GABBR2: variants seen among roughly 807,000 people sequenced by gnomAD.
GABBR2 encodes the protein gamma-aminobutyric acid type B receptor subunit 2, also known as G-protein coupled receptor 51.
Under a neutral mutation model 105.6 loss-of-function variants are expected in GABBR2, and 23 were observed. That is an observed-to-expected ratio of 0.22 (90% CI 0.16 to 0.31). GABBR2 has a LOEUF of 0.31. Ranked by LOEUF, GABBR2 falls within the 10% of genes least tolerant of loss-of-function variation. The probability of loss-of-function intolerance (pLI) is 1.00; values close to 1 mark genes in which losing one functional copy is unlikely to be tolerated. For missense variants in GABBR2, 734 were observed against 1,245.5 expected (o/e 0.59, Z 6.18); for synonymous variants, 478 against 499.7 (o/e 0.96, Z 0.58).
At chr9:98,396,933 G>A (rs541850492) in intron 8 of GABBR2, among the ~76,000 whole-genome samples, 9 of 152,218 alleles carry the variant, frequency 5.9e-5, no homozygotes, top group African/African-American at 1.4e-4. Context: ...GCTCACAGGC[G>A]CTTCACAAGT....
chr9:98,533,566 C>G (rs946361291), intron 3 of GABBR2, among the ~76,000 whole-genome samples: 1 of 152,192 alleles, frequency 6.6e-6, no homozygotes, highest in African/African-American at 2.4e-5. Flanking sequence ...ATACCTGCAC[C>G]AGGGAGCATG....
intron 1 of GABBR2, among the ~76,000 whole-genome samples, chr9:98,649,497 CA>C (rs1478083385): frequency 6.6e-6 from 1 of 152,124 alleles, no homozygotes; most frequent in Non-Finnish European, 1.5e-5. Context: ...CCCATGGCTA[CA>C]AAAGAACACT....
At chr9:98,526,819 T>C (rs1827971534) in intron 3 of GABBR2, among the ~76,000 whole-genome samples, 1 of 152,078 alleles carries the variant, frequency 6.6e-6, no homozygotes, top group Non-Finnish European at 1.5e-5. Flanking sequence ...TAGCTATCAA[T>C]ACAAATTCTA....
At chr9:98,406,981 G>T (rs770259637) in intron 7 of GABBR2, among the ~76,000 whole-genome samples, 1 of 152,198 alleles carries the variant, frequency 6.6e-6, no homozygotes, top group Non-Finnish European at 1.5e-5. Context: ...CCATTTTGCA[G>T]ATCAAGAAAC....
At position 98,341,044 on chromosome 9, in the gene GABBR2, C is replaced by T. The variant is rs113554410; in HGVS notation, c.1893+21671G>A. 7.5e-3 allele frequency among the ~76,000 whole-genome samples: 1,136 copies of T among 152,298 alleles called. 16 individuals are homozygous for T. The highest frequency in any genetic ancestry group is 0.026 in the African/African-American group (1,076 of 41,568). ...GAGAAGTTCCAGCTTCAGGGCTGGCCCTGGTGCTGTGGCTCTGTCTTTTGT... is the reference window on the plus strand; with the variant it reads ...GAGAAGTTCCAGCTTCAGGGCTGGCTCTGGTGCTGTGGCTCTGTCTTTTGT... On this transcript the variant is annotated intron_variant, in intron 13 of 18. Coordinates refer to ENST00000259455, the MANE Select transcript of GABBR2 (RefSeq NM_005458.8).
At chr9:98,310,138 T>C (rs955134388) in intron 14 of GABBR2, among the ~76,000 whole-genome samples, 2 of 152,172 alleles carry the variant, frequency 1.3e-5, no homozygotes, top group African/African-American at 2.4e-5. Flanking sequence ...ATGGTTTATA[T>C]AGGATATAGG....
intron 7 of GABBR2, among the ~76,000 whole-genome samples, chr9:98,440,084 T>G (rs550174120): frequency 6.6e-6 from 1 of 152,292 alleles, no homozygotes; most frequent in Non-Finnish European, 1.5e-5. Flanking sequence ...AGGATACACC[T>G]GCTCCTAGGG....
chr9:98,423,925 G>C (rs1421335689), intron 7 of GABBR2, among the ~76,000 whole-genome samples: 1 of 152,124 alleles, frequency 6.6e-6, no homozygotes, highest in African/African-American at 2.4e-5. Flanking sequence ...TAGATATGCG[G>C]CGTTATTTCT....
At chr9:98,639,002 G>A (rs957400257) in intron 1 of GABBR2, among the ~76,000 whole-genome samples, 1 of 152,170 alleles carries the variant, frequency 6.6e-6, no homozygotes, top group Non-Finnish European at 1.5e-5. Flanking sequence ...ACCAGTTACA[G>A]AAATAAAAAC....
At chr9:98,382,891 G>A (rs1246004215) in intron 11 of GABBR2, among the ~76,000 whole-genome samples, 1 of 152,168 alleles carries the variant, frequency 6.6e-6, no homozygotes, top group Admixed American at 6.5e-5. Flanking sequence ...TAAAACTAGC[G>A]AGACTTCCAT....
At chr9:98,646,244 T>G (rs1445385633) in intron 1 of GABBR2, among the ~76,000 whole-genome samples, 1 of 152,208 alleles carries the variant, frequency 6.6e-6, no homozygotes, top group African/African-American at 2.4e-5. Context: ...CCTGCTTTCC[T>G]TCTGGGAGTG....
At chr9:98,682,056 G>A (rs1014693068) in intron 1 of GABBR2, among the ~76,000 whole-genome samples, 16 of 151,824 alleles carry the variant, frequency 1.1e-4, no homozygotes, top group African/African-American at 3.1e-4. Context: ...CCAATATGGT[G>A]AAAACTCATC....
intron 1 of GABBR2, among the ~76,000 whole-genome samples, chr9:98,673,533 T>G (rs751048526): frequency 1.8e-4 from 27 of 152,116 alleles, no homozygotes; most frequent in Non-Finnish European, 3.5e-4. Flanking sequence ...TATAAGTATT[T>G]TCTTGGTTTT....
At chr9:98,291,124 T>G (rs1481026086) in intron 18 of GABBR2, among the ~76,000 whole-genome samples, 2 of 152,176 alleles carry the variant, frequency 1.3e-5, no homozygotes, top group Non-Finnish European at 2.9e-5. Context: ...GAAAAATGCA[T>G]TTAATCCACC....
chr9:98,588,437 A>G (rs912146086), intron 1 of GABBR2, among the ~76,000 whole-genome samples: 1 of 152,252 alleles, frequency 6.6e-6, no homozygotes, highest in Non-Finnish European at 1.5e-5. Flanking sequence ...GAATAGTAAT[A>G]ATAATAACAC....
intron 2 of GABBR2, among the ~76,000 whole-genome samples, chr9:98,570,273 G>A (rs1828811645): frequency 6.6e-6 from 1 of 152,198 alleles, no homozygotes; most frequent in African/African-American, 2.4e-5. Context: ...GGGGCGGCTG[G>A]GGACAGCGCT....
intron 4 of GABBR2, among the ~76,000 whole-genome samples, chr9:98,490,819 T>A (rs1026421110): frequency 3.9e-5 from 6 of 152,200 alleles, no homozygotes; most frequent in African/African-American, 1.4e-4. Flanking sequence ...CAGCCCCGCC[T>A]GGAAACAGCT....
At chr9:98,547,495 A>T in intron 2 of GABBR2, among the ~76,000 whole-genome samples, 1 of 118,086 alleles carries the variant, frequency 8.5e-6, no homozygotes, top group Non-Finnish European at 1.9e-5. Flanking sequence ...TTGTCTCCTC[A>T]TTCTCTAAAT....
chr9:98,584,409 G>A (rs7872671), intron 1 of GABBR2, among the ~76,000 whole-genome samples: 3,781 of 152,096 alleles, frequency 0.025, 177 homozygotes, highest in African/African-American at 0.086. Context: ...CTCCTCTACT[G>A]TAGCTCATGG....
Sources: gnomAD v4.1 joint callset for allele counts (sites outside exome capture counted in the v4.1 genomes callset) on GRCh38, gnomAD v4.1.1 for gene constraint, MANE v1.5 for transcripts, NCBI Gene and HGNC (gene_info 2026-07-23, HGNC 2026-07-21) for gene names.